The following CATSPERB variants were observed in gnomAD, a reference collection of about 807,000 sequenced individuals.
CATSPERB encodes catsper channel auxiliary subunit beta, also known as cation channel sperm-associated auxiliary subunit beta.
CATSPERB carries 93 observed loss-of-function variants against 128.3 expected under a neutral mutation model. The observed-to-expected ratio is 0.72, with a 90% CI of 0.61 to 0.86. The LOEUF is 0.86. CATSPERB is among the 40% of genes least tolerant of loss of function. The pLI is 0.00. For synonymous variants in CATSPERB, 381 were observed against 448.8 expected, an observed-to-expected ratio of 0.85 and a Z score of 1.91; for missense variants, 1,153 against 1,329.5, an observed-to-expected ratio of 0.87 and a Z score of 2.06.
rs573461163 is a variant in CATSPERB at position 91,624,213 on chromosome 14, G to A, written c.1930+607C>T. Among the ~76,000 whole-genome samples, 15 of 152,278 alleles carry A rather than the reference G, an allele frequency of 9.9e-5. No individual in the cohort carries two copies. In the South Asian group the frequency reaches 1.0e-3, roughly 11 times the overall value. On this transcript the variant is annotated intron_variant, in intron 18 of 26. Coordinates refer to ENST00000256343, the MANE Select transcript of CATSPERB (RefSeq NM_024764.4). ...AGACAAAAATTAGGCCGGGTGCAGT[G>A]GCTCATGCCTGTAATCCTAGCACTT...
At chr14:91,674,649 C>T (rs1895158464) in intron 11 of CATSPERB, among the ~76,000 whole-genome samples, 1 of 152,074 alleles carries the variant, frequency 6.6e-6, no homozygotes, top group East Asian at 1.9e-4. Flanking sequence ...TGTTTCCCTC[C>T]CTTCCCACTC....
chr14:91,663,791 A>T (rs537169715), intron 14 of CATSPERB, among the ~76,000 whole-genome samples: 1 of 152,128 alleles, frequency 6.6e-6, no homozygotes, highest in Admixed American at 6.5e-5. Flanking sequence ...GAGGTAAAAA[A>T]CACATATCAT....
intron 22 of CATSPERB, among the ~76,000 whole-genome samples, chr14:91,602,762 A>G (rs17189046): frequency 0.055 from 8,314 of 152,194 alleles, 658 homozygotes; most frequent in East Asian, 0.39. Context: ...TTTCATGCCT[A>G]CTAGGTTGCT....
intron 10 of CATSPERB, 58 bp from the exon 11 acceptor site, chr14:91,684,001 T>C: frequency 1.6e-6 from 2 of 1,255,082 alleles, no homozygotes; most frequent in Non-Finnish European, 2.2e-6. Flanking sequence ...TATCTTAAGA[T>C]ATAAGATAGA....
In CATSPERB at chr14:91,610,512, T is replaced by C; in HGVS notation, c.2566A>G (p.Ser856Gly). The stretch of plus-strand genomic sequence containing the variant: ...GTTTTGATGAGGTTAAAACCCTGAC[T>C]GTCTTTATGAACTCCACTAATCCAG... ...EDWISGVHKDSQGFNLIKTLP... is the reference protein window; with the variant it reads ...EDWISGVHKDGQGFNLIKTLP... Residue 856 changes from serine (S) to glycine (G), a missense_variant, in exon 21 of 27, where the codon AGT becomes GGT. Transcript: ENST00000256343. 1 of 1,613,920 alleles carries C rather than the reference T, an allele frequency of 6.2e-7. No individual in the cohort carries two copies. The highest frequency in any genetic ancestry group is 8.5e-7 in the Non-Finnish European group (1 of 1,180,020).
intron 2 of CATSPERB, among the ~76,000 whole-genome samples, chr14:91,726,202 G>A (rs1302456945): frequency 1.3e-5 from 2 of 152,224 alleles, no homozygotes; most frequent in Non-Finnish European, 2.9e-5. Flanking sequence ...AGAAGGCACT[G>A]AGCTGGTAAA....
At chr14:91,687,018 T>C (rs573721874) in intron 10 of CATSPERB, among the ~76,000 whole-genome samples, 11 of 152,278 alleles carry the variant, frequency 7.2e-5, no homozygotes, top group African/African-American at 2.2e-4. Context: ...AAGAAAATAA[T>C]TTAGCATACT....
intron 9 of CATSPERB, 145 bp downstream of exon 9, chr14:91,692,981 T>TA: frequency 1.7e-6 from 1 of 605,812 alleles, no homozygotes; most frequent in Non-Finnish European, 2.9e-6. Context: ...AGGAAAAAGT[T>TA]ACTGTATTAT....
intron 5 of CATSPERB, chr14:91,710,267 G>A (rs1469349206): frequency 2.0e-5 from 3 of 152,190 alleles, no homozygotes; most frequent in African/African-American, 7.2e-5. Flanking sequence ...TTCATTAAGT[G>A]ACTGAGGTGG....
At chr14:91,649,331 ATGTGTGTGTGTGTGTG>A (rs55880138) in intron 15 of CATSPERB, among the ~76,000 whole-genome samples, 3 of 147,334 alleles carry the variant, frequency 2.0e-5, no homozygotes, top group Non-Finnish European at 4.6e-5. Flanking sequence ...GTATACATAT[ATGTGTGTGTGTGTGTG>A]TGTGTGTGTG....
intron 3 of CATSPERB, among the ~76,000 whole-genome samples, chr14:91,724,039 T>G (rs1385207389): frequency 6.6e-6 from 1 of 152,200 alleles, no homozygotes; most frequent in Non-Finnish European, 1.5e-5. Flanking sequence ...AATATTTTCC[T>G]CACAGAAGAT....
rs779276479 is a variant in CATSPERB at position 91,691,574 on chromosome 14, C to T, written c.832-19G>A. The T allele has an allele frequency of 6.3e-7, 1 of 1,593,198 alleles. No individual in the cohort carries two copies. The highest frequency in any genetic ancestry group is 8.6e-7 in the Non-Finnish European group (1 of 1,168,892). On this transcript the variant is annotated intron_variant, in intron 9 of 26. Transcript: ENST00000256343. ...TGGAAAACTAGAAGAAAAGAAGAAA[C>T]TTTAATTTTTGCTTGCATATCAGAA...
At chr14:91,726,922 G>C (rs1896128038) in intron 2 of CATSPERB, among the ~76,000 whole-genome samples, 1 of 152,112 alleles carries the variant, frequency 6.6e-6, no homozygotes, top group Non-Finnish European at 1.5e-5. Flanking sequence ...CAATGAAAAG[G>C]AATCTAAACA....
intron 15 of CATSPERB, among the ~76,000 whole-genome samples, chr14:91,650,202 T>G (rs901534913): frequency 2.6e-5 from 4 of 152,238 alleles, no homozygotes; most frequent in Non-Finnish European, 1.5e-5. Flanking sequence ...CAGTTATTTA[T>G]AACTTTTATA....
intron 14 of CATSPERB, among the ~76,000 whole-genome samples, chr14:91,662,920 T>C (rs1362648496): frequency 6.6e-6 from 1 of 152,238 alleles, no homozygotes; most frequent in African/African-American, 2.4e-5. Context: ...AAATTCTTTA[T>C]ATATTCTTAC....
At chr14:91,622,481 C>T (rs150315786) in intron 18 of CATSPERB, among the ~76,000 whole-genome samples, 8 of 151,928 alleles carry the variant, frequency 5.3e-5, no homozygotes, top group East Asian at 1.9e-4. Context: ...CTCACGGAGA[C>T]GAAGAAGAAA....
At chr14:91,594,331 G>A (rs1241252180) in intron 22 of CATSPERB, among the ~76,000 whole-genome samples, 3 of 151,910 alleles carry the variant, frequency 2.0e-5, no homozygotes, top group Non-Finnish European at 4.4e-5. Flanking sequence ...CTGTTGTGGG[G>A]TGGGGGGATG....
At chr14:91,708,673 A>G (rs980493693) in intron 5 of CATSPERB, among the ~76,000 whole-genome samples, 1 of 152,250 alleles carries the variant, frequency 6.6e-6, no homozygotes, top group Non-Finnish European at 1.5e-5. Flanking sequence ...GAATGAAGAC[A>G]GAAAAAGAGG....
intron 22 of CATSPERB, chr14:91,604,791 G>T: frequency 6.2e-7 from 1 of 1,610,864 alleles, no homozygotes; most frequent in East Asian, 2.2e-5. Context: ...GAAGAGTAGA[G>T]GCTGGGGTAG....
Sources: allele counts gnomAD v4.1 joint callset (sites outside exome capture counted in the v4.1 genomes callset), GRCh38; gene constraint gnomAD v4.1.1; transcripts MANE v1.5; gene names NCBI Gene and HGNC (gene_info 2026-07-23, HGNC 2026-07-21).